GAB1: variants seen among roughly 807,000 people sequenced by gnomAD.
GAB1 encodes the protein GRB2-associated-binding protein 1.
GAB1 carries 19 observed loss-of-function variants against 66.5 expected under a neutral mutation model. The observed-to-expected ratio is 0.29, with a 90% CI of 0.20 to 0.42. The LOEUF (loss-of-function observed/expected upper bound fraction) is 0.42, where lower values mean the gene tolerates loss of function less well. Among genes scored for constraint, GAB1 ranks in the 10% least tolerant of loss-of-function variants. The pLI is 1.00. For synonymous variants in GAB1, 294 were observed against 301.4 expected, an observed-to-expected ratio of 0.98 and a Z score of 0.25; for missense variants, 732 against 858.5, an observed-to-expected ratio of 0.85 and a Z score of 1.84.
At position 143,427,960 on chromosome 4, in the gene GAB1, A is replaced by G. The variant is rs560580564; in HGVS notation, c.368-5531A>G. Reference sequence around the variant, plus strand: ...ATATCCCCAATTCCCAGCAACCTCTACAGGGTTCCACCCATGGGTATCAAA... The same window carrying G: ...ATATCCCCAATTCCCAGCAACCTCTGCAGGGTTCCACCCATGGGTATCAAA... On this transcript the variant is annotated intron_variant, in intron 2 of 9. Transcript: ENST00000262994. Among the ~76,000 whole-genome samples, 13 of 152,310 alleles carry G rather than the reference A, an allele frequency of 8.5e-5. No homozygotes were observed. The South Asian group carries it at 2.7e-3, about 32-fold the overall frequency.
At position 143,471,649 on chromosome 4, in the gene GAB1, A is replaced by G. The variant is rs1578770038; in HGVS notation, c.*2460A>G. The G allele has an allele frequency of 1.3e-5, 2 of 152,196 alleles. No homozygotes were observed. Among genetic ancestry groups the G allele is most frequent in the East Asian group, 3.8e-4 (2 of 5,196 alleles). 9.4% of individuals were successfully genotyped at this position (152,196 alleles called of 1,614,324 possible). On this transcript the variant is annotated 3_prime_UTR_variant, in exon 10 of 10. Coordinates refer to ENST00000262994, the MANE Select transcript of GAB1 (RefSeq NM_002039.4). ...TATAGCTATGCCCTGTTTTATTTGT[A>G]TACTATCAAGAAAATTTTGATTCAC... is the stretch of plus-strand genomic sequence containing the variant.
intron 1 of GAB1, among the ~76,000 whole-genome samples, chr4:143,405,779 A>C (rs1184686759): frequency 6.6e-6 from 1 of 152,188 alleles, no homozygotes; most frequent in Non-Finnish European, 1.5e-5. Context: ...GGTACTGTGG[A>C]CATCTTGGAG....
At chr4:143,365,505 G>GA (rs1352700835) in intron 1 of GAB1, among the ~76,000 whole-genome samples, 2 of 152,142 alleles carry the variant, frequency 1.3e-5, no homozygotes, top group Admixed American at 1.3e-4. Context: ...GCATGAAAGG[G>GA]GGATTGGGGG....
At chr4:143,378,787 C>T (rs533127425) in intron 1 of GAB1, among the ~76,000 whole-genome samples, 5 of 152,158 alleles carry the variant, frequency 3.3e-5, no homozygotes, top group South Asian at 2.1e-4. Context: ...CCTGGCCTCT[C>T]TCTGACCTTG....
chr4:143,404,328 TAAC>T (rs1351184661), intron 1 of GAB1, among the ~76,000 whole-genome samples: 2 of 152,190 alleles, frequency 1.3e-5, no homozygotes, highest in Non-Finnish European at 2.9e-5. Flanking sequence ...ATCATGACAA[TAAC>T]AACATATGGG....
At chr4:143,395,872 C>T (rs780597919) in intron 1 of GAB1, 1 of 454,538 alleles carries the variant, frequency 2.2e-6, no homozygotes. Context: ...CACAGCTTGT[C>T]GAGATTGATG....
At chr4:143,448,425 C>T in intron 6 of GAB1, among the ~76,000 whole-genome samples, 1 of 151,760 alleles carries the variant, frequency 6.6e-6, no homozygotes, top group Non-Finnish European at 1.5e-5. Context: ...TGGTCCTGGA[C>T]TCTTTTTGGT....
At chr4:143,443,312 G>A (rs959589136) in intron 6 of GAB1, among the ~76,000 whole-genome samples, 4 of 152,142 alleles carry the variant, frequency 2.6e-5, no homozygotes, top group South Asian at 2.1e-4. Flanking sequence ...CACTGTGCCC[G>A]GCCTGTACTA....
chr4:143,425,078 A>G (rs1733261027), intron 2 of GAB1: 1 of 906,304 alleles, frequency 1.1e-6, no homozygotes, highest in African/African-American at 1.6e-5. Context: ...ATGTCCTGCA[A>G]ATGAAGGAGG....
intron 6 of GAB1, among the ~76,000 whole-genome samples, chr4:143,448,114 C>A (rs531217410): frequency 6.6e-6 from 1 of 151,998 alleles, no homozygotes; most frequent in African/African-American, 2.4e-5. Flanking sequence ...ATATATTGAA[C>A]CAGCCTTGCA....
At chr4:143,341,488 G>A (rs1472153594) in intron 1 of GAB1, among the ~76,000 whole-genome samples, 1 of 152,182 alleles carries the variant, frequency 6.6e-6, no homozygotes, top group Non-Finnish European at 1.5e-5. Context: ...CTCCTCCATA[G>A]CCCAGCTGTC....
At chr4:143,350,094 C>A in intron 1 of GAB1, 2 of 1,365,844 alleles carry the variant, frequency 1.5e-6, no homozygotes, top group Non-Finnish European at 2.0e-6. Flanking sequence ...CGGGCCCTCC[C>A]GCTGCACCGG....
chr4:143,355,586 C>G (rs1434080970), intron 1 of GAB1, among the ~76,000 whole-genome samples: 1 of 152,098 alleles, frequency 6.6e-6, no homozygotes. Flanking sequence ...ACAGAAGGGT[C>G]TTTATGCAAA....
chr4:143,337,365 AC>A (rs1156513421), intron 1 of GAB1, 105 bp downstream of exon 1: 73 of 939,882 alleles, frequency 7.8e-5, no homozygotes, highest in Non-Finnish European at 1.1e-4. Context: ...TGGTTCTTAA[AC>A]GAATGCCGGT....
chr4:143,424,874 G>A (rs1185764413), intron 2 of GAB1: 1 of 458,454 alleles, frequency 2.2e-6, no homozygotes, highest in South Asian at 2.2e-5. Context: ...AGAATCACTT[G>A]AACCAGGGAG....
intron 1 of GAB1, among the ~76,000 whole-genome samples, chr4:143,356,318 A>C (rs1317665031): frequency 1.3e-5 from 2 of 152,186 alleles, no homozygotes; most frequent in Admixed American, 6.5e-5. Context: ...CTATCTATGC[A>C]ATGTGTAAAT....
chr4:143,338,759 G>A (rs1344326913), intron 1 of GAB1, among the ~76,000 whole-genome samples: 1 of 151,542 alleles, frequency 6.6e-6, no homozygotes, highest in Non-Finnish European at 1.5e-5. Flanking sequence ...GGAGAAAGGG[G>A]TAGGGAGATA....
At chr4:143,459,960 G>A (rs1004512905) in intron 7 of GAB1, among the ~76,000 whole-genome samples, 1 of 152,058 alleles carries the variant, frequency 6.6e-6, no homozygotes, top group Non-Finnish European at 1.5e-5. Context: ...TTATTTAAAT[G>A]TATATAGGGA....
chr4:143,465,428 C>T (rs776624078), intron 8 of GAB1, among the ~76,000 whole-genome samples: 4 of 152,116 alleles, frequency 2.6e-5, no homozygotes, highest in Non-Finnish European at 5.9e-5. Context: ...AAAATCTTAG[C>T]ACTATTTTTG....
Sources: gnomAD v4.1 joint callset for allele counts (sites outside exome capture counted in the v4.1 genomes callset) on GRCh38, gnomAD v4.1.1 for gene constraint, MANE v1.5 for transcripts, NCBI Gene and HGNC (gene_info 2026-07-23, HGNC 2026-07-21) for gene names.